Variants in RSPH10B observed in about 807,000 individuals in gnomAD.
The protein encoded by RSPH10B is radial spoke head 10 homolog B (Chlamydomonas).
In RSPH10B, 7 loss-of-function variants were observed where a neutral mutation model predicts 52.5. That is an observed-to-expected ratio of 0.13 (90% CI 0.08 to 0.25). The LOEUF (loss-of-function observed/expected upper bound fraction) is 0.25, where lower values mean the gene tolerates loss of function less well. Among genes scored for constraint, RSPH10B ranks in the 10% least tolerant of loss-of-function variants. RSPH10B has a pLI of 1.00. For missense variants in RSPH10B, 89 were observed against 542.5 expected (o/e 0.16, Z 8.30); for synonymous variants, 28 against 193.2 (o/e 0.14, Z 7.09).
At chr7:5,963,988 C>A (rs575846974) in intron 3 of RSPH10B, among the ~76,000 whole-genome samples, 2 of 151,016 alleles carry the variant, frequency 1.3e-5, no homozygotes, top group African/African-American at 2.4e-5. Flanking sequence ...GCTGAGCCAA[C>A]AGGATCGCTT....
At position 5,943,057 on chromosome 7, in the gene RSPH10B, G is replaced by A. The variant is rs1319536011; in HGVS notation, c.1758+267C>T. 2.1e-4 allele frequency among the ~76,000 whole-genome samples: 31 copies of A among 150,270 alleles called. 1 individual carries two copies. The highest frequency in any genetic ancestry group is 7.6e-4 in the African/African-American group (31 of 40,612). On this transcript the variant is annotated intron_variant, in intron 13 of 18. Coordinates refer to ENST00000337579, the Ensembl canonical transcript of RSPH10B. ...CTGGGATTGCAATATATATATATATGCATGCCATGGGCCATTGTTATAGGC... is the reference window on the plus strand; with the variant it reads ...CTGGGATTGCAATATATATATATATACATGCCATGGGCCATTGTTATAGGC...
rs1356399611 is a variant in RSPH10B, at chr7:5,967,047, C to CAG, written c.68_69dup (p.Asp24LeufsTer4). On this transcript the variant is annotated frameshift_variant, in exon 1 of 19. Transcript: ENST00000337579. LOFTEE classifies it high-confidence loss of function. ...TCTTGTTTGGAAAAGTCTAGATTAT[C>CAG]AGAGAGAGATGAGGGAGAGCGGGCA... 1 of 1,011,200 alleles carries CAG rather than the reference C, an allele frequency of 9.9e-7. No homozygotes were observed. The highest frequency in any genetic ancestry group is 1.2e-5 in the South Asian group (1 of 80,866). The allele number at this position is 1,011,200 out of a possible 1,614,324, so 62.6% of individuals were successfully genotyped here. A position where few individuals can be genotyped will look rare whatever the true frequency, so the allele number is the denominator to read the frequency against.
At chr7:5,933,677 G>A (rs1488004239) in intron 16 of RSPH10B, among the ~76,000 whole-genome samples, 15 of 134,994 alleles carry the variant, frequency 1.1e-4, no homozygotes, top group Non-Finnish European at 2.0e-4. Context: ...GGAGAATGGC[G>A]TGAACCCGGG....
intron 13 of RSPH10B, among the ~76,000 whole-genome samples, chr7:5,940,980 C>A (rs1196748380): frequency 1.2e-5 from 1 of 83,094 alleles, no homozygotes; most frequent in Non-Finnish European, 2.7e-5. Flanking sequence ...ATTCAATGGG[C>A]AATTGCAAAC....
rs1055608434 is a variant in RSPH10B, at chr7:5,956,769, A to G, written c.781-588T>C. Among the ~76,000 whole-genome samples the G allele has an allele frequency of 7.6e-4, 96 of 126,900 alleles. 2 individuals carry two copies. Among genetic ancestry groups the G allele is most frequent in the Non-Finnish European group, 1.3e-3 (78 of 57,832 alleles). The allele number at this position is 126,900 out of a possible 152,430, so 83.3% of individuals were successfully genotyped here. A position where few individuals can be genotyped will look rare whatever the true frequency, so the allele number is the denominator to read the frequency against. On this transcript the variant is annotated intron_variant, in intron 6 of 18. Transcript: ENST00000337579. ...TTTTTAGTAGAGATGGGGTTTCACC[A>G]TATCACCCAGGCTGGTCTCAAACTC...
At chr7:5,955,016 A>AAAAAAAAAG (rs1780700126) in intron 7 of RSPH10B, among the ~76,000 whole-genome samples, 1 of 123,378 alleles carries the variant, frequency 8.1e-6, no homozygotes, top group Non-Finnish European at 1.7e-5. Context: ...AAAAAAAAAA[A>AAAAAAAAAG]GAGCCGGGCG....
At chr7:5,957,517 G>A (rs1369554328) in intron 6 of RSPH10B, among the ~76,000 whole-genome samples, 1 of 18,128 alleles carries the variant, frequency 5.5e-5, no homozygotes, top group African/African-American at 3.1e-4. Context: ...TGGGTGTGGT[G>A]GCTCACGCCT....
chr7:5,927,126 G>A (rs1420390207), intron 18 of RSPH10B, among the ~76,000 whole-genome samples: 2 of 142,824 alleles, frequency 1.4e-5, no homozygotes, highest in African/African-American at 5.3e-5. Flanking sequence ...GGGTCTTACT[G>A]TGTTGCCCAG....
chr7:5,947,860 T>TTGTGTG lies in RSPH10B; in HGVS notation c.1414+354_1414+359dup, dbSNP rs201265529. Reference sequence around the variant, plus strand: ...CCTGGGGGTTGGGGACCCCTGCCTTTTGTGTGTGTGTGTGTGTGTGTGTGT... The same window carrying TTGTGTG: ...CCTGGGGGTTGGGGACCCCTGCCTTTTGTGTGTGTGTGTGTGTGTGTGTGTGTGTGT... On this transcript the variant is annotated intron_variant, in intron 10 of 18. Transcript: ENST00000337579. Among the ~76,000 whole-genome samples the TTGTGTG allele has an allele frequency of 1.1e-3, 99 of 90,802 alleles. 2 individuals carry two copies. Among genetic ancestry groups the TTGTGTG allele is most frequent in the African/African-American group, 3.2e-3 (74 of 23,006 alleles). The allele number at this position is 90,802 out of a possible 152,430, so 59.6% of individuals were successfully genotyped here.
At chr7:5,927,867 C>T (rs1267206645) in intron 18 of RSPH10B, among the ~76,000 whole-genome samples, 6 of 146,960 alleles carry the variant, frequency 4.1e-5, no homozygotes, top group South Asian at 2.1e-4. Flanking sequence ...ACCCGGGAGG[C>T]GGAGGTTGCA....
intron 11 of RSPH10B, 23 bp downstream of exon 13, chr7:5,945,040 CA>C (rs1780417947): frequency 1.9e-6 from 1 of 534,750 alleles, no homozygotes; most frequent in Non-Finnish European, 3.4e-6. Flanking sequence ...CATCCCCCAA[CA>C]AGGGTCCAGA....
intron 17 of RSPH10B, among the ~76,000 whole-genome samples, chr7:5,931,315 C>T (rs1189182553): frequency 6.0e-5 from 9 of 150,946 alleles, no homozygotes; most frequent in Non-Finnish European, 8.9e-5. Flanking sequence ...TAACGGGAAA[C>T]GACAGGCACT....
chr7:5,957,501 A>AC (rs1164644906), intron 6 of RSPH10B, among the ~76,000 whole-genome samples: 4 of 13,776 alleles, frequency 2.9e-4, no homozygotes. Flanking sequence ...AAACAAACAA[A>AC]CAGGCTGGGT....
intron 18 of RSPH10B, among the ~76,000 whole-genome samples, chr7:5,927,048 T>TATATATATGTGTGTGGATATA (rs1347951159): frequency 1.4e-5 from 1 of 70,838 alleles, no homozygotes; most frequent in African/African-American, 4.3e-5. Context: ...TGTGTGTGTA[T>TATATATATGTGTGTGGATATA]TATGTGTGTG....
intron 13 of RSPH10B, among the ~76,000 whole-genome samples, chr7:5,942,889 A>T (rs1343777258): frequency 7.4e-6 from 1 of 135,174 alleles, no homozygotes; most frequent in Non-Finnish European, 1.6e-5. Flanking sequence ...AAATATATAT[A>T]TATTTATTAT....
intron 12 of RSPH10B, 21 bp downstream of exon 14, chr7:5,943,890 T>A: frequency 6.2e-7 from 1 of 1,607,862 alleles, no homozygotes; most frequent in Non-Finnish European, 8.5e-7. Context: ...GTAAATAGAA[T>A]CCTACTGGTT....
chr7:5,926,149 G>C (rs1189702564), exon 19 of RSPH10B: 2 of 388,896 alleles, frequency 5.1e-6, no homozygotes, highest in Admixed American at 4.5e-5. Flanking sequence ...ACACCACCAC[G>C]GTCGGCTGAT....
chr7:5,931,488 C>T, intron 17 of RSPH10B, among the ~76,000 whole-genome samples: 1 of 151,342 alleles, frequency 6.6e-6, no homozygotes, highest in South Asian at 2.1e-4. Flanking sequence ...TGCTTTGGGA[C>T]ACCAAGGCGG....
intron 13 of RSPH10B, among the ~76,000 whole-genome samples, chr7:5,942,910 A>T (rs1469400331): frequency 8.0e-6 from 1 of 124,518 alleles, no homozygotes; most frequent in African/African-American, 3.1e-5. Context: ...ATATATATTT[A>T]TTTATATATA....
Sources: gnomAD v4.1 joint callset for allele counts (sites outside exome capture counted in the v4.1 genomes callset) on GRCh38, gnomAD v4.1.1 for gene constraint, MANE v1.5 for transcripts, NCBI Gene and HGNC (gene_info 2026-07-23, HGNC 2026-07-21) for gene names.